The following CTNNA2 variants were observed in gnomAD, a reference collection of about 807,000 sequenced individuals.
The protein encoded by CTNNA2 is catenin alpha-2.
A neutral mutation model predicts 101.0 loss-of-function variants in CTNNA2; 42 were observed. The ratio of observed to expected loss-of-function variants is 0.42; its 90% CI spans 0.32 to 0.54. The LOEUF (loss-of-function observed/expected upper bound fraction) is 0.54. Among genes scored for constraint, CTNNA2 ranks in the 20% least tolerant of loss-of-function variants. The pLI, the probability that CTNNA2 is intolerant of heterozygous loss-of-function variation, is 0.14. For missense variants in CTNNA2, 871 were observed against 1,223.1 expected, an observed-to-expected ratio of 0.71 and a Z score of 4.29; for synonymous variants, 450 against 456.4, an observed-to-expected ratio of 0.99 and a Z score of 0.18.
intron 1 of CTNNA2, among the ~76,000 whole-genome samples, chr2:79,525,421 T>C (rs550596378): frequency 3.3e-5 from 5 of 152,114 alleles, no homozygotes; most frequent in African/African-American, 1.2e-4. Context: ...GTTCATCTGG[T>C]CTAGTCTTTC....
chr2:79,982,268 C>A (rs377713060), intron 7 of CTNNA2, among the ~76,000 whole-genome samples: 13 of 108,974 alleles, frequency 1.2e-4, no homozygotes, highest in African/African-American at 4.4e-4. Context: ...ACACACATAA[C>A]ATATATATAA....
At chr2:80,568,779 A>G (rs1178406493) in intron 12 of CTNNA2, among the ~76,000 whole-genome samples, 1 of 152,122 alleles carries the variant, frequency 6.6e-6, no homozygotes, top group African/African-American at 2.4e-5. Flanking sequence ...TCATTCATGG[A>G]TATGTTGCTG....
chr2:79,745,168 C>T (rs1187436706), intron 3 of CTNNA2, among the ~76,000 whole-genome samples: 2 of 152,150 alleles, frequency 1.3e-5, no homozygotes, highest in African/African-American at 4.8e-5. Flanking sequence ...CGGTGGCTCA[C>T]ACCTGTATTC....
chr2:80,077,271 A>G (rs1258818543), intron 7 of CTNNA2, among the ~76,000 whole-genome samples: 2 of 152,222 alleles, frequency 1.3e-5, no homozygotes, highest in African/African-American at 4.8e-5. Flanking sequence ...AGTAAATAAC[A>G]CTTTAAGAAA....
intron 18 of CTNNA2, among the ~76,000 whole-genome samples, chr2:80,635,459 G>T (rs1026125030): frequency 3.4e-4 from 52 of 151,974 alleles, no homozygotes; most frequent in African/African-American, 1.2e-3. Context: ...TCTAATTTCT[G>T]TAATGAAAAA....
intron 7 of CTNNA2, among the ~76,000 whole-genome samples, chr2:80,210,694 A>G (rs931425365): frequency 6.6e-6 from 1 of 152,192 alleles, no homozygotes; most frequent in Non-Finnish European, 1.5e-5. Context: ...GTGTCTTTAT[A>G]GCAGCATGAT....
chr2:79,196,327 C>A (rs1170820241), intron 1 of CTNNA2, among the ~76,000 whole-genome samples: 1 of 152,062 alleles, frequency 6.6e-6, no homozygotes, highest in Non-Finnish European at 1.5e-5. Flanking sequence ...TATTCTCCTG[C>A]CAAGTAGTGA....
At chr2:79,779,604 A>G (rs1423253012) in intron 3 of CTNNA2, among the ~76,000 whole-genome samples, 1 of 152,080 alleles carries the variant, frequency 6.6e-6, no homozygotes, top group African/African-American at 2.4e-5. Flanking sequence ...CACTCCATAC[A>G]CTGAAATGTA....
intron 4 of CTNNA2, among the ~76,000 whole-genome samples, chr2:79,456,390 C>G (rs1023516092): frequency 2.4e-4 from 36 of 151,730 alleles, no homozygotes; most frequent in African/African-American, 8.5e-4. Context: ...ATTCTTAAAG[C>G]CATTTAATTT....
In CTNNA2 at chr2:80,376,725, G is replaced by A. The variant is rs933494780; in HGVS notation, c.1057-16486G>A. On this transcript the variant is annotated intron_variant, in intron 7 of 18. Transcript: ENST00000402739. ...GTATAAGTGATTAGCAATTCCCTTC[G>A]AGGACTCCCCATCAGTGTGGGGCAG... Among the ~76,000 whole-genome samples, 6 of 152,116 alleles carry A rather than the reference G, an allele frequency of 3.9e-5. No homozygotes were observed. In the East Asian group the frequency reaches 5.8e-4, roughly 15 times the overall value.
At chr2:80,135,181 A>G (rs1457313882) in intron 7 of CTNNA2, among the ~76,000 whole-genome samples, 1 of 152,192 alleles carries the variant, frequency 6.6e-6, no homozygotes, top group Non-Finnish European at 1.5e-5. Context: ...GATGCAGTTC[A>G]GGGCCAACAG....
Position 80,406,699 on chromosome 2 carries a change from C to T in CTNNA2, c.1138-12750C>T, listed in dbSNP as rs541092778. On this transcript the variant is annotated intron_variant, in intron 8 of 18. Coordinates refer to ENST00000402739, the MANE Select transcript of CTNNA2 (RefSeq NM_001282597.3). Reference sequence around the variant, plus strand: ...AAAATTAGCCGGGTGTGGTGGCGGGCGCCTGTAGTCCCAGCTACTCGGGAG... The same window carrying T: ...AAAATTAGCCGGGTGTGGTGGCGGGTGCCTGTAGTCCCAGCTACTCGGGAG... Among the ~76,000 whole-genome samples, 6 of 151,402 alleles carry T rather than the reference C, an allele frequency of 4.0e-5. No homozygotes were observed. In the East Asian group the frequency reaches 1.2e-3, roughly 30 times the overall value.
At chr2:79,378,959 T>A (rs1678009487) in intron 4 of CTNNA2, among the ~76,000 whole-genome samples, 1 of 152,134 alleles carries the variant, frequency 6.6e-6, no homozygotes, top group Non-Finnish European at 1.5e-5. Flanking sequence ...ATCGCTCAGG[T>A]GGACTAGATA....
chr2:79,734,525 T>C (rs1687393208), intron 2 of CTNNA2, among the ~76,000 whole-genome samples: 1 of 152,128 alleles, frequency 6.6e-6, no homozygotes, highest in African/African-American at 2.4e-5. Context: ...ATGTATACCT[T>C]AGAATTAATG....
At chr2:79,796,273 C>T (rs549844993) in intron 3 of CTNNA2, among the ~76,000 whole-genome samples, 5 of 151,586 alleles carry the variant, frequency 3.3e-5, no homozygotes, top group Admixed American at 6.6e-5. Flanking sequence ...TTTAACAGCT[C>T]TTTAAAAGTG....
At chr2:80,111,627 A>G (rs138214822) in intron 7 of CTNNA2, among the ~76,000 whole-genome samples, 12 of 152,212 alleles carry the variant, frequency 7.9e-5, no homozygotes, top group African/African-American at 2.9e-4. Flanking sequence ...CTGCAGCCTC[A>G]AACTCCTGGG....
At chr2:80,591,874 G>A (rs116647469) in intron 15 of CTNNA2, among the ~76,000 whole-genome samples, 5,063 of 152,166 alleles carry the variant, frequency 0.033, 136 homozygotes, top group Middle Eastern at 0.071. Flanking sequence ...CTTCTTCATG[G>A]AAGATAAAAC....
At chr2:80,625,272 C>T (rs13011466) in intron 18 of CTNNA2, among the ~76,000 whole-genome samples, 54,764 of 151,706 alleles carry the variant, frequency 0.36, 10,566 homozygotes, top group East Asian at 0.45. Flanking sequence ...TGGTAAATAT[C>T]AAAATATCAA....
chr2:80,108,425 A>G (rs1052954454), intron 7 of CTNNA2, among the ~76,000 whole-genome samples: 5 of 152,018 alleles, frequency 3.3e-5, no homozygotes, highest in Non-Finnish European at 7.4e-5. Context: ...AGAGAAGTCC[A>G]CTCTCAGTGA....
Sources: allele counts gnomAD v4.1 joint callset (sites outside exome capture counted in the v4.1 genomes callset), GRCh38; gene constraint gnomAD v4.1.1; transcripts MANE v1.5; gene names NCBI Gene and HGNC (gene_info 2026-07-23, HGNC 2026-07-21).